The following MICAL2 variants were observed in gnomAD, a reference collection of about 807,000 sequenced individuals.
MICAL2 encodes the protein [F-actin]-monooxygenase MICAL2.
A neutral mutation model predicts 127.3 loss-of-function variants in MICAL2; 77 were observed. The observed-to-expected ratio is 0.60, with a 90% CI of 0.50 to 0.73. The LOEUF (loss-of-function observed/expected upper bound fraction) is 0.73, where lower values mean the gene tolerates loss of function less well. MICAL2 is among the 30% of genes least tolerant of loss of function. The pLI is 0.00. For synonymous variants in MICAL2, 570 were observed against 551.1 expected (o/e 1.03, Z -0.48); for missense variants, 1,351 against 1,434.4 (o/e 0.94, Z 0.94).
Position 12,208,140 on chromosome 11 carries a change from G to C in MICAL2, c.589+1G>C. On this transcript the variant is annotated splice_donor_variant, in intron 5 of 27. Transcript: ENST00000683283. LOFTEE classifies it high-confidence loss of function. ...CCTCCTGAAGATCAAGAAAATCAAA[G>C]TACAGTATAATTTTCTTTTTCTGCC... The C allele has an allele frequency of 6.2e-7, 1 of 1,606,178 alleles. No individual in the cohort carries two copies. The highest frequency in any genetic ancestry group is 8.5e-7 in the Non-Finnish European group (1 of 1,173,034).
At chr11:12,360,126 A>AAAAAAT (rs1555025902), downstream of MICAL2, among the ~76,000 whole-genome samples, 12 of 151,684 alleles carry the variant, frequency 7.9e-5, no homozygotes, top group South Asian at 1.5e-3. Flanking sequence ...TTTTAAAAAA[A>AAAAAAT]AAATAAGAAT....
intron 1 of MICAL2, among the ~76,000 whole-genome samples, chr11:12,130,915 C>T (rs11022190): frequency 0.99 from 150,253 of 152,292 alleles, 74,146 homozygotes; most frequent in East Asian, 1. Context: ...GGCTTTGGCA[C>T]CTGGAACTGC....
intron 2 of MICAL2, among the ~76,000 whole-genome samples, chr11:12,150,544 G>A (rs150112295): frequency 0.012 from 1,803 of 152,252 alleles, 20 homozygotes; most frequent in Middle Eastern, 0.024. Context: ...CTCTGCAGTC[G>A]TCCTGGGCTC....
rs60686378 is a variant in MICAL2, at chr11:12,234,302, C to CCAA, written c.1996-1875_1996-1874insCAA. Among the ~76,000 whole-genome samples the CCAA allele has an allele frequency of 8.2e-3, 1,122 of 136,396 alleles. 10 individuals carry two copies. The highest frequency in any genetic ancestry group is 0.024 in the African/African-American group (891 of 37,570). 89.5% of individuals were successfully genotyped at this position (136,396 alleles called of 152,430 possible). ...CCAAATCCTCATTTAAGGTAGAAAC[C>CCAA]AAAAAAAAAAAACAACAGAAAACCC... On this transcript the variant is annotated intron_variant, in intron 15 of 27. Coordinates refer to ENST00000683283, the MANE Select transcript of MICAL2 (RefSeq NM_001282663.2).
intron 5 of MICAL2, 63 bp from the exon 6 acceptor site, chr11:12,209,434 G>T (rs190585317): frequency 1.6e-5 from 20 of 1,283,946 alleles, no homozygotes; most frequent in South Asian, 7.1e-5. Context: ...CACCACACGG[G>T]GGGTATAATC....
chr11:12,119,721 A>C (rs1305433157), intron 1 of MICAL2, among the ~76,000 whole-genome samples: 2 of 152,108 alleles, frequency 1.3e-5, no homozygotes, highest in African/African-American at 4.8e-5. Flanking sequence ...AGAGTGGGGT[A>C]GTTTCAAATG....
chr11:12,321,989 A>T (rs765132478), intron 30 of MICAL2, among the ~76,000 whole-genome samples: 1 of 152,170 alleles, frequency 6.6e-6, no homozygotes, highest in African/African-American at 2.4e-5. Flanking sequence ...TGAAATGTGG[A>T]TACTAGATTC....
chr11:12,213,265 A>C lies in MICAL2; in HGVS notation c.702A>C (p.Arg234Ser). ...GRRNTLEGFR[R>S]KEFRGKLAIA... ...TTTCTCCTCATGCAGGGTTCAGAAG[A>C]AAAGAATTCCGTGGGAAGCTGGCGA... The change falls in exon 7 of 28, where the codon AGA (arginine) becomes AGC (serine). Residue 234 changes from arginine to serine, a missense_variant. Coordinates refer to ENST00000683283, the MANE Select transcript of MICAL2 (RefSeq NM_001282663.2). The C allele has an allele frequency of 6.2e-7, 1 of 1,611,850 alleles. No homozygotes were observed. The highest frequency in any genetic ancestry group is 8.5e-7 in the Non-Finnish European group (1 of 1,178,874).
At chr11:12,250,366 C>T (rs960200417) in intron 22 of MICAL2, 11 of 152,186 alleles carry the variant, frequency 7.2e-5, no homozygotes, top group African/African-American at 2.4e-4. Context: ...AATGGGGTAT[C>T]CATTCCCTCA....
chr11:12,276,229 G>T, intron 1 of MICAL2: 1 of 370,948 alleles, frequency 2.7e-6, no homozygotes, highest in Non-Finnish European at 4.6e-6. Flanking sequence ...ATCACATTTG[G>T]GATTGGGTCT....
chr11:12,226,887 C>T, intron 14 of MICAL2, 138 bp from the exon 15 acceptor site: 2 of 662,464 alleles, frequency 3.0e-6, no homozygotes, highest in Non-Finnish European at 2.7e-6. Context: ...ATCTCCTGAC[C>T]TCGTGATCCA....
downstream of MICAL2, among the ~76,000 whole-genome samples, chr11:12,291,901 A>C (rs547129067): frequency 3.3e-4 from 50 of 152,282 alleles, no homozygotes; most frequent in South Asian, 0.01. Context: ...TCATCGCATG[A>C]GTCTGAAACA....
chr11:12,241,510 A>G (rs1859957217), intron 18 of MICAL2, among the ~76,000 whole-genome samples: 1 of 152,236 alleles, frequency 6.6e-6, no homozygotes, highest in African/African-American at 2.4e-5. Context: ...ATATCAATGA[A>G]AAAGTGATGT....
intron 31 of MICAL2, chr11:12,327,138 A>AAGTCCTTG: frequency 6.5e-7 from 1 of 1,538,168 alleles, no homozygotes; most frequent in Non-Finnish European, 8.8e-7. Flanking sequence ...TCTATGTGGA[A>AAGTCCTTG]AGTCCTTGTG....
downstream of MICAL2, among the ~76,000 whole-genome samples, chr11:12,361,552 T>C (rs1156964702): frequency 6.6e-6 from 1 of 152,212 alleles, no homozygotes; most frequent in Non-Finnish European, 1.5e-5. Context: ...TTTCTAAAAC[T>C]GTGAAAAATC....
intron 29 of MICAL2, among the ~76,000 whole-genome samples, chr11:12,308,842 TATA>T (rs1208367578): frequency 1.3e-5 from 2 of 152,190 alleles, no homozygotes; most frequent in Non-Finnish European, 2.9e-5. Flanking sequence ...CACCATTGAG[TATA>T]ATGTTTGCTG....
intron 3 of MICAL2, among the ~76,000 whole-genome samples, chr11:12,189,213 G>C (rs960531138): frequency 6.6e-6 from 1 of 152,146 alleles, no homozygotes; most frequent in African/African-American, 2.4e-5. Flanking sequence ...TCTGCTGTAA[G>C]TGGCTTCCTT....
intron 3 of MICAL2, among the ~76,000 whole-genome samples, chr11:12,173,097 T>C (rs531353858): frequency 6.6e-6 from 1 of 151,578 alleles, no homozygotes; most frequent in Non-Finnish European, 1.5e-5. Flanking sequence ...ATGCAGCTTC[T>C]TAGAAAGATA....
At chr11:12,136,979 C>T (rs1311092678) in intron 1 of MICAL2, among the ~76,000 whole-genome samples, 1 of 152,176 alleles carries the variant, frequency 6.6e-6, no homozygotes, top group African/African-American at 2.4e-5. Flanking sequence ...CTGGTTGGAC[C>T]AATGATGGAA....
Sources: allele counts gnomAD v4.1 joint callset (sites outside exome capture counted in the v4.1 genomes callset), GRCh38; gene constraint gnomAD v4.1.1; transcripts MANE v1.5; gene names NCBI Gene and HGNC (gene_info 2026-07-23, HGNC 2026-07-21).